CD163L1: variants seen among roughly 807,000 people sequenced by gnomAD.
CD163L1 encodes scavenger receptor cysteine-rich type 1 protein M160.
In CD163L1, 124 loss-of-function variants were observed where a neutral mutation model predicts 165.4. That is an observed-to-expected ratio of 0.75 (90% CI 0.65 to 0.87). CD163L1 has a LOEUF of 0.87. CD163L1 is among the 40% of genes least tolerant of loss of function. The pLI is 0.00. For missense variants in CD163L1, 1,525 were observed against 1,799.9 expected (o/e 0.85, Z 2.76); for synonymous variants, 585 against 662.2 (o/e 0.88, Z 1.79).
At chr12:7,439,903 T>C (rs1591976904) in intron 2 of CD163L1, 3 of 1,392,760 alleles carry the variant, frequency 2.2e-6, no homozygotes, top group South Asian at 2.8e-5. Context: ...TCCAACTCCT[T>C]CTTCGACTTC....
At chr12:7,322,543 T>A in the CD163L1 span, 1 of 1,612,902 alleles carries the variant, frequency 6.2e-7, no homozygotes, top group Admixed American at 1.7e-5. Context: ...ACGGAAGTGG[T>A]ATATCTAAAG....
intron 4 of CD163L1, among the ~76,000 whole-genome samples, chr12:7,422,369 C>T (rs763200373): frequency 7.2e-5 from 11 of 152,080 alleles, no homozygotes; most frequent in Non-Finnish European, 1.5e-4. Flanking sequence ...TTCCCAAAAC[C>T]GGAATATCTC....
rs925686143 is a variant in CD163L1, at chr12:7,433,435, T to C, written c.384A>G (p.Gln128=). Residue 128 remains glutamine, a synonymous_variant, in exon 3 of 20, where the codon CAA becomes CAG. Transcript: ENST00000313599. ...AGTTATGGCTTCCCCATTCCCGGTGTTGACATTCCCAGAGAGCTGACTCAT... is the reference window on the plus strand; with the variant it reads ...AGTTATGGCTTCCCCATTCCCGGTGCTGACATTCCCAGAGAGCTGACTCAT... ...YGNESALWEC[Q]HREWGSHNCY... is the part of the protein sequence containing the mutation. 9.9e-6 allele frequency: 16 copies of C among 1,613,142 alleles called. No homozygotes were observed. The highest frequency in any genetic ancestry group is 1.2e-5 in the Non-Finnish European group (14 of 1,179,462).
Position 7,436,508 on chromosome 12 carries a change from A to G in CD163L1, c.125-2814T>C, listed in dbSNP as rs75885116. Among the ~76,000 whole-genome samples, 267 of 152,306 alleles carry G rather than the reference A, an allele frequency of 1.8e-3. 7 individuals carry two copies. The East Asian group carries it at 0.047, about 27-fold the overall frequency. ...TAATTTAGCCCAGATGCCATGGCTC[A>G]TGTCTGTAATTTCAACACTTTGAAA... On this transcript the variant is annotated intron_variant, in intron 2 of 19. Transcript: ENST00000313599.
At chr12:7,399,023 A>C (rs1268408332) in intron 6 of CD163L1, among the ~76,000 whole-genome samples, 1 of 152,160 alleles carries the variant, frequency 6.6e-6, no homozygotes, top group African/African-American at 2.4e-5. Context: ...AGATAAAGGG[A>C]GGCATATGTA....
At chr12:7,322,155 T>C in the CD163L1 span, among the ~76,000 whole-genome samples, 11 of 152,314 alleles carry the variant, frequency 7.2e-5, no homozygotes, top group African/African-American at 2.6e-4. Flanking sequence ...TCTCCTGCCT[T>C]TTTACATCTT....
At chr12:7,351,372 C>T (rs190099088), downstream of CD163L1, among the ~76,000 whole-genome samples, 4 of 152,176 alleles carry the variant, frequency 2.6e-5, no homozygotes, top group East Asian at 7.7e-4. Flanking sequence ...TTGGAAAGTC[C>T]AAGATCAAGG....
At chr12:7,324,832 TAA>T in the CD163L1 span, among the ~76,000 whole-genome samples, 193 of 136,406 alleles carry the variant, frequency 1.4e-3, no homozygotes, top group Middle Eastern at 3.7e-3. Flanking sequence ...TGCCTTAAGT[TAA>T]AAAAAAAAAA....
At chr12:7,389,525 G>T (rs926098622) in intron 8 of CD163L1, among the ~76,000 whole-genome samples, 14 of 152,008 alleles carry the variant, frequency 9.2e-5, no homozygotes, top group African/African-American at 3.4e-4. Flanking sequence ...AAGGGTAATG[G>T]GGGGCTGGAG....
chr12:7,428,277 TA>T (rs901806222), intron 4 of CD163L1, among the ~76,000 whole-genome samples: 6 of 152,124 alleles, frequency 3.9e-5, no homozygotes, highest in Middle Eastern at 3.4e-3. Context: ...ATTGTACTGA[TA>T]AAAAAAATTT....
At chr12:7,378,173 G>A (rs565699672) in intron 9 of CD163L1, among the ~76,000 whole-genome samples, 7 of 152,120 alleles carry the variant, frequency 4.6e-5, no homozygotes, top group Non-Finnish European at 1.0e-4. Context: ...TCCACATTCA[G>A]TGTATTCAGT....
chr12:7,437,789 T>C (rs929203755), intron 2 of CD163L1, among the ~76,000 whole-genome samples: 10 of 151,738 alleles, frequency 6.6e-5, no homozygotes, highest in Non-Finnish European at 1.5e-4. Context: ...TAAATCCTCT[T>C]CACACAAAAG....
At chr12:7,424,597 C>G (rs962123203) in intron 4 of CD163L1, among the ~76,000 whole-genome samples, 2 of 152,210 alleles carry the variant, frequency 1.3e-5, no homozygotes, top group Non-Finnish European at 2.9e-5. Flanking sequence ...CCCATCGTAT[C>G]AGTCCAAAAA....
At chr12:7,421,670 T>A (rs1453138320) in intron 4 of CD163L1, among the ~76,000 whole-genome samples, 1 of 120,256 alleles carries the variant, frequency 8.3e-6, no homozygotes, top group Non-Finnish European at 1.8e-5. Flanking sequence ...TATATACATA[T>A]ACGTGCATAT....
At chr12:7,334,269 A>G in the CD163L1 span, among the ~76,000 whole-genome samples, 8 of 152,166 alleles carry the variant, frequency 5.3e-5, no homozygotes, top group Admixed American at 1.3e-4. Flanking sequence ...GAATCCAGCA[A>G]CACATCAAAA....
rs1947109237 is a variant in CD163L1 at position 7,369,834 on chromosome 12, C to A, written c.3731-169G>T. Among the ~76,000 whole-genome samples the A allele has an allele frequency of 6.6e-6, 1 of 152,138 alleles. No homozygotes were observed. The highest frequency in any genetic ancestry group is 2.4e-5 in the African/African-American group (1 of 41,412). On this transcript the variant is annotated intron_variant, in intron 14 of 19. Transcript: ENST00000313599. The surrounding 1 kb of genome is among the most constrained non-coding windows in gnomAD (Gnocchi z 4.9). ...GACAAGAACCTGTGAAGTGAATAAA[C>A]CCCTATACATGACTGTGGTTTGTCC...
intron 4 of CD163L1, among the ~76,000 whole-genome samples, chr12:7,429,231 G>A (rs1948591878): frequency 6.6e-6 from 1 of 151,844 alleles, no homozygotes; most frequent in Non-Finnish European, 1.5e-5. Flanking sequence ...GGGCTATTAT[G>A]ACATTTAAAA....
intron 18 of CD163L1, among the ~76,000 whole-genome samples, chr12:7,358,652 C>T (rs993943748): frequency 1.3e-5 from 2 of 152,050 alleles, no homozygotes; most frequent in African/African-American, 4.8e-5. Context: ...CTCTCTTTAC[C>T]TCAATTCTTT....
chr12:7,360,444 G>A (rs975291557), intron 18 of CD163L1, among the ~76,000 whole-genome samples: 1 of 152,002 alleles, frequency 6.6e-6, no homozygotes, highest in Non-Finnish European at 1.5e-5. Flanking sequence ...CACACCACCA[G>A]TATGTATATC....
Sources: allele counts gnomAD v4.1 joint callset (sites outside exome capture counted in the v4.1 genomes callset), GRCh38; gene constraint gnomAD v4.1.1; non-coding constraint Gnocchi (gnomAD v3.1); transcripts MANE v1.5; gene names NCBI Gene and HGNC (gene_info 2026-07-23, HGNC 2026-07-21).